PROM1: variants seen among roughly 807,000 people sequenced by gnomAD.
The protein encoded by PROM1 is prominin 1.
In PROM1, 105 loss-of-function variants were observed where a neutral mutation model predicts 116.9. That is an observed-to-expected ratio of 0.90 (90% CI 0.77 to 1.06). PROM1 has a LOEUF of 1.06. Ranked by LOEUF, PROM1 falls within the 50% of genes least tolerant of loss-of-function variation. The pLI, the probability that PROM1 is intolerant of heterozygous loss-of-function variation, is 0.00. For synonymous variants in PROM1, 393 were observed against 387.0 expected, an observed-to-expected ratio of 1.02 and a Z score of -0.18; for missense variants, 1,122 against 1,045.2, an observed-to-expected ratio of 1.07 and a Z score of -1.01.
At chr4:16,006,772 C>A in intron 12 of PROM1, 82 bp from the exon 13 acceptor site, 2 of 1,388,036 alleles carry the variant, frequency 1.4e-6, no homozygotes, top group African/African-American at 1.4e-5. Flanking sequence ...AAGGCTGGAG[C>A]CGATGAGTTA....
At chr4:16,025,413 G>A (rs1731005412) in intron 5 of PROM1, 101 bp from the exon 6 acceptor site, 2 of 1,444,008 alleles carry the variant, frequency 1.4e-6, no homozygotes, top group South Asian at 2.5e-5. Context: ...GGAGCCCGCA[G>A]AAGGACTGGC....
chr4:15,977,845 G>A (rs985830476), intron 26 of PROM1, among the ~76,000 whole-genome samples: 4 of 152,152 alleles, frequency 2.6e-5, no homozygotes, highest in Non-Finnish European at 4.4e-5. Flanking sequence ...TGATCCACCC[G>A]CCTCGGCTTC....
chr4:16,003,338 T>A (rs1439006899), intron 13 of PROM1: 1 of 456,638 alleles, frequency 2.2e-6, no homozygotes, highest in Admixed American at 2.3e-5. Flanking sequence ...CAGTTTGGCT[T>A]ACTTCCTTCA....
intron 8 of PROM1, among the ~76,000 whole-genome samples, chr4:16,022,371 C>T (rs1424492676): frequency 6.6e-6 from 1 of 152,032 alleles, no homozygotes. Flanking sequence ...TTGTCGATGT[C>T]GAGAATGTTG....
At chr4:16,041,181 C>T (rs1425138431) in intron 2 of PROM1, among the ~76,000 whole-genome samples, 2 of 152,168 alleles carry the variant, frequency 1.3e-5, no homozygotes, top group Non-Finnish European at 2.9e-5. Flanking sequence ...GATAAGAATG[C>T]AAGTGATTTG....
intron 15 of PROM1, among the ~76,000 whole-genome samples, chr4:15,995,304 G>A (rs1266997958): frequency 6.6e-6 from 1 of 150,428 alleles, no homozygotes; most frequent in Non-Finnish European, 1.5e-5. Flanking sequence ...TGGAAGGAGA[G>A]AGAGAGAGAG....
chr4:15,995,023 C>T (rs971306885), intron 15 of PROM1, among the ~76,000 whole-genome samples: 2 of 152,156 alleles, frequency 1.3e-5, no homozygotes, highest in Non-Finnish European at 2.9e-5. Context: ...GGGTGGTGAA[C>T]GGGTTTAACT....
chr4:16,012,059 C>T (rs1024577595), intron 11 of PROM1, among the ~76,000 whole-genome samples: 1 of 152,000 alleles, frequency 6.6e-6, no homozygotes, highest in African/African-American at 2.4e-5. Flanking sequence ...TGCAGTGGCA[C>T]GATCTCGGCT....
chr4:16,067,158 T>C (rs1002823360), intron 2 of PROM1, among the ~76,000 whole-genome samples: 6 of 152,106 alleles, frequency 3.9e-5, no homozygotes, highest in Admixed American at 6.6e-5. Flanking sequence ...GATCTCCTCC[T>C]CCATGGAGGG....
In PROM1 at chr4:16,064,097, A is replaced by T. The variant is rs145988978; in HGVS notation, c.220+11590T>A. 1.8e-4 allele frequency among the ~76,000 whole-genome samples: 27 copies of T among 152,336 alleles called. 1 individual carries two copies. The East Asian group carries it at 5.0e-3, about 28-fold the overall frequency. ...TAGAGATGAAAAAAATGCATACCCCATCGTGCAGCAATTCATTCCTAGATA... is the reference window on the plus strand; with the variant it reads ...TAGAGATGAAAAAAATGCATACCCCTTCGTGCAGCAATTCATTCCTAGATA... On this transcript the variant is annotated intron_variant, in intron 2 of 27. Coordinates refer to ENST00000447510, the MANE Select transcript of PROM1 (RefSeq NM_006017.3).
At chr4:15,971,709 C>T (rs538775453) in intron 26 of PROM1, 9 of 152,498 alleles carry the variant, frequency 5.9e-5, no homozygotes, top group African/African-American at 2.2e-4. Context: ...ACTGTGACTT[C>T]AGGTGGATCA....
At chr4:15,998,264 C>G in intron 15 of PROM1, 121 bp downstream of exon 15, 1 of 1,365,512 alleles carries the variant, frequency 7.3e-7, no homozygotes, top group Non-Finnish European at 9.7e-7. Flanking sequence ...TAATACAGGA[C>G]AGCTTATCTC....
chr4:16,071,473 A>G (rs920917806), intron 2 of PROM1, among the ~76,000 whole-genome samples: 11 of 152,154 alleles, frequency 7.2e-5, no homozygotes, highest in African/African-American at 2.7e-4. Context: ...TTGAAGCGTT[A>G]ACCCCTGACA....
intron 9 of PROM1, among the ~76,000 whole-genome samples, chr4:16,016,862 C>G (rs1466127444): frequency 6.6e-6 from 1 of 152,116 alleles, no homozygotes; most frequent in African/African-American, 2.4e-5. Flanking sequence ...AAAAGGCATA[C>G]TTAGAAACTG....
At chr4:16,082,363 C>T (rs1745199263) in intron 1 of PROM1, among the ~76,000 whole-genome samples, 1 of 152,086 alleles carries the variant, frequency 6.6e-6, no homozygotes, top group Non-Finnish European at 1.5e-5. Flanking sequence ...GGGGGGCACT[C>T]AAGAACTACG....
chr4:15,986,434 C>T (rs1367452772), intron 20 of PROM1, among the ~76,000 whole-genome samples: 1 of 152,038 alleles, frequency 6.6e-6, no homozygotes, highest in Non-Finnish European at 1.5e-5. Flanking sequence ...CTACAAAACC[C>T]ATAGTCTTTG....
At chr4:16,045,058 TG>T (rs777408838) in intron 2 of PROM1, among the ~76,000 whole-genome samples, 13 of 152,110 alleles carry the variant, frequency 8.5e-5, no homozygotes, top group Non-Finnish European at 1.3e-4. Context: ...ACCTCTACTC[TG>T]GGATCCCACG....
intron 2 of PROM1, among the ~76,000 whole-genome samples, chr4:16,045,207 G>A (rs1736260306): frequency 6.6e-6 from 1 of 152,084 alleles, no homozygotes. Context: ...CAGCTAAGAG[G>A]GACCAGGGGA....
At chr4:16,041,594 G>A (rs1735240300) in intron 2 of PROM1, among the ~76,000 whole-genome samples, 1 of 151,712 alleles carries the variant, frequency 6.6e-6, no homozygotes, top group East Asian at 1.9e-4. Flanking sequence ...CTGGGCAACT[G>A]GGTAACATAG....
Sources: allele counts gnomAD v4.1 joint callset (sites outside exome capture counted in the v4.1 genomes callset), GRCh38; gene constraint gnomAD v4.1.1; transcripts MANE v1.5; gene names NCBI Gene and HGNC (gene_info 2026-07-23, HGNC 2026-07-21).